Variants in PDE5A observed in about 807,000 individuals in gnomAD.
PDE5A encodes cGMP-specific 3',5'-cyclic phosphodiesterase.
In PDE5A, 67 loss-of-function variants were observed where a neutral mutation model predicts 110.2. The ratio of observed to expected loss-of-function variants is 0.61; its 90% CI spans 0.50 to 0.75. The LOEUF is 0.75. Ranked by LOEUF, PDE5A falls within the 30% of genes least tolerant of loss-of-function variation. The probability of loss-of-function intolerance (pLI) is 0.00; values close to 1 mark genes in which losing one functional copy is unlikely to be tolerated. For synonymous variants in PDE5A, 328 were observed against 351.2 expected, an observed-to-expected ratio of 0.93 and a Z score of 0.74; for missense variants, 862 against 1,045.1, an observed-to-expected ratio of 0.82 and a Z score of 2.42.
chr4:119,545,453 A>C (rs1358652561), intron 9 of PDE5A, among the ~76,000 whole-genome samples: 1 of 152,184 alleles, frequency 6.6e-6, no homozygotes, highest in South Asian at 2.1e-4. Context: ...ATAAAAGAGA[A>C]CCATTCAGCA....
At chr4:119,498,890 C>A in intron 20 of PDE5A, 152 bp from the exon 21 acceptor site, 1 of 699,582 alleles carries the variant, frequency 1.4e-6, no homozygotes, top group Non-Finnish European at 2.4e-6. Flanking sequence ...ATACACAGAT[C>A]ATTTACACAT....
At chr4:119,609,656 A>G (rs1015215405) in intron 1 of PDE5A, among the ~76,000 whole-genome samples, 20 of 152,196 alleles carry the variant, frequency 1.3e-4, no homozygotes, top group Admixed American at 6.5e-5. Flanking sequence ...AGTTGAATAC[A>G]GTTATAAAAG....
intron 10 of PDE5A, among the ~76,000 whole-genome samples, chr4:119,541,264 A>G (rs936445994): frequency 1.3e-5 from 2 of 151,866 alleles, no homozygotes; most frequent in Non-Finnish European, 2.9e-5. Flanking sequence ...AAATTTTTCA[A>G]TGAAAAACCA....
chr4:119,576,757 C>G (rs916916549), intron 3 of PDE5A, among the ~76,000 whole-genome samples: 1 of 152,066 alleles, frequency 6.6e-6, no homozygotes, highest in African/African-American at 2.4e-5. Context: ...AATTGACACC[C>G]TAACACCACA....
intron 3 of PDE5A, among the ~76,000 whole-genome samples, chr4:119,568,034 A>G (rs927465714): frequency 2.0e-5 from 3 of 152,120 alleles, no homozygotes; most frequent in Non-Finnish European, 4.4e-5. Context: ...TCTTAGCTTT[A>G]AGAAAAAGAT....
At chr4:119,591,539 C>T (rs770270388) in intron 3 of PDE5A, among the ~76,000 whole-genome samples, 6 of 152,070 alleles carry the variant, frequency 3.9e-5, no homozygotes, top group East Asian at 1.9e-4. Context: ...AAAATTTTCA[C>T]GACAAAGAGT....
intron 11 of PDE5A, among the ~76,000 whole-genome samples, chr4:119,528,017 T>A (rs1244394348): frequency 4.0e-5 from 6 of 151,032 alleles, no homozygotes; most frequent in Non-Finnish European, 7.4e-5. Context: ...CTTACAGGAC[T>A]ATGGTTTTAA....
At chr4:119,611,451 G>C (rs1169757905) in intron 1 of PDE5A, among the ~76,000 whole-genome samples, 1 of 150,436 alleles carries the variant, frequency 6.6e-6, no homozygotes, top group Non-Finnish European at 1.5e-5. Context: ...ATGCTGGTGT[G>C]TTTATTACAG....
At chr4:119,500,997 T>C (rs1307219130) in intron 20 of PDE5A, 173 bp downstream of exon 20, 1 of 578,520 alleles carries the variant, frequency 1.7e-6, no homozygotes. Flanking sequence ...GATATTAGTA[T>C]GTGTTCCTTG....
intron 19 of PDE5A, 150 bp from the exon 20 acceptor site, chr4:119,501,403 C>CAA (rs1725327843): frequency 1.7e-6 from 1 of 590,428 alleles, no homozygotes; most frequent in African/African-American, 1.9e-5. Context: ...CTCCACCTCC[C>CAA]AAGTTTAAGC....
chr4:119,544,195 C>T (rs2110488635), intron 9 of PDE5A, among the ~76,000 whole-genome samples: 1 of 152,248 alleles, frequency 6.6e-6, no homozygotes, highest in East Asian at 1.9e-4. Flanking sequence ...ACTTTCTTTA[C>T]TTTTCATACT....
In PDE5A at chr4:119,572,289, C is replaced by T. The variant is rs147199673; in HGVS notation, c.832-5145G>A. ...AACACTTTGCATTATTTTACATGTA[C>T]TCAAAAGTTGAATAGTATGTGTTGT... On this transcript the variant is annotated intron_variant, in intron 3 of 20. Transcript: ENST00000354960. Among the ~76,000 whole-genome samples, 8 of 152,246 alleles carry T rather than the reference C, an allele frequency of 5.3e-5. 1 individual carries two copies. In the South Asian group the frequency reaches 1.7e-3, roughly 32 times the overall value.
chr4:119,593,723 T>G (rs1729060386), intron 3 of PDE5A, among the ~76,000 whole-genome samples: 1 of 152,158 alleles, frequency 6.6e-6, no homozygotes, highest in Admixed American at 6.6e-5. Context: ...GCTGGGTAAA[T>G]TATATTATAT....
intron 6 of PDE5A, among the ~76,000 whole-genome samples, chr4:119,562,105 A>T (rs969765956): frequency 6.6e-6 from 1 of 152,244 alleles, no homozygotes; most frequent in Non-Finnish European, 1.5e-5. Flanking sequence ...TTCCAGAAAC[A>T]GTGGTTCATA....
At chr4:119,568,446 C>T (rs1349053053) in intron 3 of PDE5A, among the ~76,000 whole-genome samples, 1 of 152,144 alleles carries the variant, frequency 6.6e-6, no homozygotes. Context: ...ATTTTAAATG[C>T]TCAGGTATTC....
At chr4:119,546,321 G>T (rs1727126935) in intron 9 of PDE5A, among the ~76,000 whole-genome samples, 1 of 152,024 alleles carries the variant, frequency 6.6e-6, no homozygotes, top group African/African-American at 2.4e-5. Flanking sequence ...TTTTCTTGGA[G>T]ATACATAAAA....
rs1239261401 is a variant in PDE5A, at chr4:119,597,583, G to A, written c.742-971C>T. 2.0e-5 allele frequency among the ~76,000 whole-genome samples: 3 copies of A among 152,042 alleles called. No individual in the cohort carries two copies. In the East Asian group the frequency reaches 5.8e-4, roughly 29 times the overall value. On this transcript the variant is annotated intron_variant, in intron 2 of 20. Transcript: ENST00000354960. ...GAATGAGTGCTGTTCCCTTCAAAGC[G>A]ATAGCCTTGGGGAGTTACATGCTTA...
chr4:119,627,279 T>A lies in PDE5A; in HGVS notation c.152+1241A>T. On this transcript the variant is annotated intron_variant, in intron 1 of 20. Coordinates refer to ENST00000354960, the MANE Select transcript of PDE5A (RefSeq NM_001083.4). The surrounding 1 kb of genome is among the most constrained non-coding windows in gnomAD (Gnocchi z 4.6). ...GGTGAGGTGAGGTGAGGTCGGCGAC[T>A]CAGAACCAGCTCCCTCACGGCCCCG... is the stretch of plus-strand genomic sequence containing the variant. The A allele has an allele frequency of 6.5e-7, 1 of 1,527,692 alleles. No homozygotes were observed. Among genetic ancestry groups the A allele is most frequent in the Non-Finnish European group, 8.8e-7 (1 of 1,132,800 alleles). The allele number at this position is 1,527,692 out of a possible 1,614,324, so 94.6% of individuals were successfully genotyped here. A position where few individuals can be genotyped will look rare whatever the true frequency, so the allele number is the denominator to read the frequency against.
rs201708556 is a variant in PDE5A, at chr4:119,628,533, T to C, written c.139A>G (p.Arg47Gly). The change falls in exon 1 of 21, where the codon AGA (arginine) becomes GGA (glycine). Residue 47 changes from arginine (R) to glycine (G), a missense_variant. By Grantham distance (125) the Arg-to-Gly change is moderately radical. Coordinates refer to ENST00000354960, the MANE Select transcript of PDE5A (RefSeq NM_001083.4). ...TCCTCTTCTTACCTGGTGGCTTTTC[T>C]AACAAAGTATGAGAAGGTAAAGTCC... ...HWDFTFSYFVRKATREMVNAW... is the reference protein window; with the variant it reads ...HWDFTFSYFVGKATREMVNAW... The C allele has an allele frequency of 6.3e-6, 10 of 1,582,738 alleles. No individual in the cohort carries two copies. Among genetic ancestry groups the C allele is most frequent in the Non-Finnish European group, 8.6e-6 (10 of 1,160,026 alleles).
Sources: gnomAD v4.1 joint callset for allele counts (sites outside exome capture counted in the v4.1 genomes callset) on GRCh38, gnomAD v4.1.1 for gene constraint, Gnocchi (gnomAD v3.1) non-coding constraint, MANE v1.5 for transcripts, NCBI Gene and HGNC (gene_info 2026-07-23, HGNC 2026-07-21) for gene names.